Variants in PHF21A observed in about 807,000 individuals in gnomAD.
PHF21A encodes PHD finger protein 21A, also known as BHC80a.
Under a neutral mutation model 82.5 loss-of-function variants are expected in PHF21A, and 11 were observed. The observed-to-expected ratio is 0.13, with a 90% CI of 0.08 to 0.22. The LOEUF (loss-of-function observed/expected upper bound fraction) is 0.22. Among genes scored for constraint, PHF21A ranks in the 10% least tolerant of loss-of-function variants. The pLI, the probability that PHF21A is intolerant of heterozygous loss-of-function variation, is 1.00. For synonymous variants in PHF21A, 297 were observed against 302.8 expected, an observed-to-expected ratio of 0.98 and a Z score of 0.20; for missense variants, 579 against 837.8, an observed-to-expected ratio of 0.69 and a Z score of 3.81.
intron 6 of PHF21A, among the ~76,000 whole-genome samples, chr11:46,040,287 G>GT (rs2138717610): frequency 6.6e-6 from 1 of 152,344 alleles, no homozygotes; most frequent in Non-Finnish European, 1.5e-5. Context: ...TGGAGGCAGG[G>GT]TGGGGAGGTG....
intron 10 of PHF21A, among the ~76,000 whole-genome samples, chr11:45,961,728 C>T (rs538833347): frequency 2.6e-5 from 4 of 152,090 alleles, no homozygotes; most frequent in Non-Finnish European, 5.9e-5. Context: ...ATCTAATAAA[C>T]ATTAAATACC....
intron 1 of PHF21A, among the ~76,000 whole-genome samples, chr11:46,098,439 T>G (rs1404018563): frequency 6.6e-6 from 1 of 152,240 alleles, no homozygotes; most frequent in Non-Finnish European, 1.5e-5. Context: ...TTTCTAAGTC[T>G]TCTTACAATA....
intron 6 of PHF21A, among the ~76,000 whole-genome samples, chr11:45,986,084 A>AAACACACACACACACAC (rs1555050364): frequency 1.5e-5 from 2 of 132,202 alleles, no homozygotes; most frequent in African/African-American, 5.6e-5. Flanking sequence ...CTTCCTTCAA[A>AAACACACACACACACAC]ACACACACAC....
At chr11:46,050,372 C>G (rs904704954) in intron 6 of PHF21A, among the ~76,000 whole-genome samples, 2 of 152,188 alleles carry the variant, frequency 1.3e-5, no homozygotes, top group Non-Finnish European at 2.9e-5. Flanking sequence ...GTGTGCTGAT[C>G]AGTGTGATTT....
At chr11:45,936,403 A>G in intron 17 of PHF21A, 91 bp downstream of exon 17, 1 of 782,962 alleles carries the variant, frequency 1.3e-6, no homozygotes. Context: ...TTTTAAATTT[A>G]AATTCCCTTT....
chr11:45,944,225 G>C (rs1338333161), intron 15 of PHF21A, among the ~76,000 whole-genome samples: 1 of 152,180 alleles, frequency 6.6e-6, no homozygotes, highest in Non-Finnish European at 1.5e-5. Flanking sequence ...ACATAAGACA[G>C]TATCTTTGCT....
At chr11:45,964,604 ATTC>A (rs2135911815) in intron 10 of PHF21A, among the ~76,000 whole-genome samples, 1 of 152,236 alleles carries the variant, frequency 6.6e-6, no homozygotes, top group African/African-American at 2.4e-5. Flanking sequence ...TCTTTGCCAA[ATTC>A]TTCTTTCTCA....
At chr11:45,969,545 T>C (rs1289323251) in intron 9 of PHF21A, among the ~76,000 whole-genome samples, 8 of 152,270 alleles carry the variant, frequency 5.3e-5, no homozygotes, top group African/African-American at 1.7e-4. Context: ...ATTCTTCTAG[T>C]AAGTTTAAGG....
At chr11:45,968,289 G>T (rs996565601) in intron 9 of PHF21A, among the ~76,000 whole-genome samples, 5 of 152,176 alleles carry the variant, frequency 3.3e-5, no homozygotes, top group Admixed American at 2.6e-4. Flanking sequence ...GCTTGAAAAT[G>T]CTTTAATGAA....
At chr11:45,968,418 C>T (rs1591387641) in intron 9 of PHF21A, among the ~76,000 whole-genome samples, 1 of 152,350 alleles carries the variant, frequency 6.6e-6, no homozygotes, top group African/African-American at 2.4e-5. Context: ...GCATGAGCCA[C>T]ATGGCCCTCT....
intron 6 of PHF21A, among the ~76,000 whole-genome samples, chr11:45,999,741 A>G (rs1261778968): frequency 1.3e-5 from 2 of 152,218 alleles, no homozygotes; most frequent in Non-Finnish European, 2.9e-5. Flanking sequence ...AGTGATGACA[A>G]AGCACAGAGA....
chr11:46,093,401 A>G (rs1030553448), intron 1 of PHF21A, among the ~76,000 whole-genome samples: 17 of 152,340 alleles, frequency 1.1e-4, no homozygotes, highest in African/African-American at 4.1e-4. Context: ...TATACCAAAC[A>G]TACGATAAAA....
rs780039605 is a variant in PHF21A, at chr11:45,979,883, T to C, written c.237A>G (p.Gln79=). The change falls in exon 7 of 19, where the codon CAA becomes CAG. Residue 79 remains glutamine, a synonymous_variant. Transcript: ENST00000676320. ...GTGCTGTTTGTAGTTTGTTTTCAGA[T>C]TGTGGCAATGGCTGTATTTGGAACT... ...PDKFQIQPLP[Q]SENKLQTAQQ... 8.7e-6 allele frequency: 14 copies of C among 1,614,102 alleles called. No individual in the cohort carries two copies. The East Asian group carries it at 2.2e-4, about 26-fold the overall frequency.
intron 6 of PHF21A, among the ~76,000 whole-genome samples, chr11:46,011,948 T>C (rs2095422633): frequency 6.6e-6 from 1 of 152,180 alleles, no homozygotes; most frequent in African/African-American, 2.4e-5. Context: ...ACACTCTAGG[T>C]CCTTCACTCT....
intron 6 of PHF21A, among the ~76,000 whole-genome samples, chr11:46,032,833 A>G (rs891374037): frequency 2.0e-5 from 3 of 152,184 alleles, no homozygotes; most frequent in Non-Finnish European, 4.4e-5. Flanking sequence ...TTGGCCATTA[A>G]TGATTTTAAT....
At chr11:45,962,455 A>G (rs1173399182) in intron 10 of PHF21A, among the ~76,000 whole-genome samples, 1 of 152,206 alleles carries the variant, frequency 6.6e-6, no homozygotes, top group Non-Finnish European at 1.5e-5. Flanking sequence ...GTTGAAAGAT[A>G]CGAAGTAAGA....
chr11:46,103,261 C>G (rs2097118455), intron 1 of PHF21A, among the ~76,000 whole-genome samples: 1 of 152,152 alleles, frequency 6.6e-6, no homozygotes, highest in South Asian at 2.1e-4. Context: ...CAATTCCATT[C>G]AACCAACGGA....
At chr11:46,101,217 G>A (rs560303018) in intron 1 of PHF21A, among the ~76,000 whole-genome samples, 3 of 152,310 alleles carry the variant, frequency 2.0e-5, no homozygotes, top group South Asian at 2.1e-4. Context: ...AGCAGGCATC[G>A]TTCTTCACTA....
intron 6 of PHF21A, among the ~76,000 whole-genome samples, chr11:46,031,029 G>C (rs1282271638): frequency 6.6e-6 from 1 of 152,158 alleles, no homozygotes; most frequent in African/African-American, 2.4e-5. Flanking sequence ...GCCTACACCA[G>C]TGAGTGAACT....
Sources: gnomAD v4.1 joint callset for allele counts (sites outside exome capture counted in the v4.1 genomes callset) on GRCh38, gnomAD v4.1.1 for gene constraint, MANE v1.5 for transcripts, NCBI Gene and HGNC (gene_info 2026-07-23, HGNC 2026-07-21) for gene names.